ZFAND3: variants seen among roughly 807,000 people sequenced by gnomAD.
ZFAND3 encodes the protein AN1-type zinc finger protein 3.
Under a neutral mutation model 29.6 loss-of-function variants are expected in ZFAND3, and 10 were observed. That is an observed-to-expected ratio of 0.34 (90% CI 0.21 to 0.57). ZFAND3 has a LOEUF of 0.57. ZFAND3 is among the 20% of genes least tolerant of loss of function. ZFAND3 has a pLI of 0.86. For missense variants in ZFAND3, 230 were observed against 304.5 expected (o/e 0.76, Z 1.82); for synonymous variants, 128 against 112.6 (o/e 1.14, Z -0.87).
At chr6:38,007,359 GGACCAGTAAAA>G (rs1376767582) in intron 2 of ZFAND3, among the ~76,000 whole-genome samples, 1 of 151,952 alleles carries the variant, frequency 6.6e-6, no homozygotes, top group African/African-American at 2.4e-5. Context: ...CAGGAGTTCA[GGACCAGTAAAA>G]CTCCATCTCT....
At chr6:37,992,606 A>C (rs1203727675) in intron 2 of ZFAND3, among the ~76,000 whole-genome samples, 7 of 152,140 alleles carry the variant, frequency 4.6e-5, no homozygotes, top group African/African-American at 1.7e-4. Flanking sequence ...AAGAATAAGG[A>C]TATTATTTTA....
At chr6:37,929,042 A>G (rs1396891074) in intron 1 of ZFAND3, among the ~76,000 whole-genome samples, 2 of 152,192 alleles carry the variant, frequency 1.3e-5, no homozygotes, top group Admixed American at 6.5e-5. Flanking sequence ...TCTAAGTTGA[A>G]TAATGCCTTG....
At chr6:38,136,225 T>C (rs1765839948) in intron 5 of ZFAND3, among the ~76,000 whole-genome samples, 1 of 152,242 alleles carries the variant, frequency 6.6e-6, no homozygotes, top group Admixed American at 6.5e-5. Context: ...CAGAGCCACC[T>C]GTACTGTCTA....
chr6:37,992,342 TAAATG>T (rs1246573694), intron 2 of ZFAND3, among the ~76,000 whole-genome samples: 1 of 152,206 alleles, frequency 6.6e-6, no homozygotes, highest in Non-Finnish European at 1.5e-5. Flanking sequence ...ATAGTGCAAA[TAAATG>T]AAAAGAGTGG....
At chr6:37,969,359 CG>C (rs1762346000) in intron 2 of ZFAND3, among the ~76,000 whole-genome samples, 1 of 152,032 alleles carries the variant, frequency 6.6e-6, no homozygotes, top group Admixed American at 6.5e-5. Flanking sequence ...TTGAAAATGC[CG>C]TAAGTCAAAA....
At chr6:37,916,187 T>C in intron 1 of ZFAND3, among the ~76,000 whole-genome samples, 1 of 152,142 alleles carries the variant, frequency 6.6e-6, no homozygotes, top group East Asian at 1.9e-4. Flanking sequence ...AGATCACCAT[T>C]GTAGATATAA....
In ZFAND3 at chr6:37,859,556, ATATCT is replaced by A. The variant is rs1764443016; in HGVS notation, c.71+39544_71+39548del. Among the ~76,000 whole-genome samples, 13 of 152,258 alleles carry A rather than the reference ATATCT, an allele frequency of 8.5e-5. No homozygotes were observed. In the South Asian group the frequency reaches 2.5e-3, roughly 29 times the overall value. On this transcript the variant is annotated intron_variant, in intron 1 of 5. Transcript: ENST00000287218. ...TTTTCTGATCTTATGGTCTATTTTCATATCTTATGGTCATGAGCTAAAAATTAATG... is the reference window on the plus strand; with the variant it reads ...TTTTCTGATCTTATGGTCTATTTTCATATGGTCATGAGCTAAAAATTAATG...
intron 2 of ZFAND3, among the ~76,000 whole-genome samples, chr6:37,957,679 G>A (rs1402691659): frequency 6.6e-6 from 1 of 152,078 alleles, no homozygotes; most frequent in African/African-American, 2.4e-5. Context: ...AAATAGAGTT[G>A]CCAGCTACTT....
chr6:38,005,889 AT>A (rs1220621603), intron 2 of ZFAND3, among the ~76,000 whole-genome samples: 2 of 152,232 alleles, frequency 1.3e-5, no homozygotes, highest in Non-Finnish European at 2.9e-5. Flanking sequence ...ATATATGGAC[AT>A]TTGGCAGATT....
chr6:38,153,055 G>A lies in ZFAND3; in HGVS notation c.*666G>A. ...AACAGTAACCTCACTTTGAAAATTA[G>A]CTCCACTCAAGACTAGTCCACGAAC... On this transcript the variant is annotated 3_prime_UTR_variant, in exon 6 of 6. Coordinates refer to ENST00000287218, the MANE Select transcript of ZFAND3 (RefSeq NM_021943.3). 6.1e-6 allele frequency: 6 copies of A among 985,658 alleles called. No homozygotes were observed. Among genetic ancestry groups the A allele is most frequent in the Non-Finnish European group, 7.2e-6 (6 of 829,940 alleles). The allele number at this position is 985,658 out of a possible 1,614,324, so 61.1% of individuals were successfully genotyped here.
At chr6:38,003,433 T>C (rs552747905) in intron 2 of ZFAND3, 1 of 163,134 alleles carries the variant, frequency 6.1e-6, no homozygotes, top group Admixed American at 6.1e-5. Flanking sequence ...TTGTACATTG[T>C]ATTTTATTAT....
chr6:38,064,035 T>G (rs1464431976), intron 3 of ZFAND3, among the ~76,000 whole-genome samples: 1 of 152,164 alleles, frequency 6.6e-6, no homozygotes, highest in Non-Finnish European at 1.5e-5. Flanking sequence ...TTCAAGATCA[T>G]GTACTTACTG....
At chr6:38,051,476 C>T (rs768460580) in intron 2 of ZFAND3, among the ~76,000 whole-genome samples, 1 of 152,208 alleles carries the variant, frequency 6.6e-6, no homozygotes, top group Non-Finnish European at 1.5e-5. Flanking sequence ...CAGTTACGTT[C>T]ATGCCACTTC....
intron 1 of ZFAND3, among the ~76,000 whole-genome samples, chr6:37,876,406 T>C (rs986045503): frequency 5.3e-5 from 8 of 152,176 alleles, no homozygotes; most frequent in Non-Finnish European, 1.2e-4. Context: ...AGTGAAGTCA[T>C]CTCAGTCAGC....
intron 1 of ZFAND3, among the ~76,000 whole-genome samples, chr6:37,873,110 C>T (rs114870293): frequency 7.4e-6 from 1 of 135,872 alleles, no homozygotes; most frequent in Non-Finnish European, 1.7e-5. Context: ...ACAAAAAAAA[C>T]CCCCCAAAAA....
At chr6:38,090,244 G>T (rs551398338) in intron 4 of ZFAND3, among the ~76,000 whole-genome samples, 2 of 152,292 alleles carry the variant, frequency 1.3e-5, no homozygotes, top group East Asian at 3.9e-4. Context: ...CCTCAGGTCT[G>T]CAGTATCAGC....
chr6:37,898,690 TGATATCTTTTGA>T (rs1444168227), intron 1 of ZFAND3, among the ~76,000 whole-genome samples: 1 of 152,240 alleles, frequency 6.6e-6, no homozygotes, highest in Non-Finnish European at 1.5e-5. Flanking sequence ...TCTTGGTATT[TGATATCTTTTGA>T]TATAAGTACT....
At chr6:37,955,149 T>TTGTGTGTGTGTGTGTGTG (rs3047089) in intron 2 of ZFAND3, among the ~76,000 whole-genome samples, 2 of 148,846 alleles carry the variant, frequency 1.3e-5, no homozygotes, top group South Asian at 4.3e-4. Flanking sequence ...CAACCAATTT[T>TTGTGTGTGTGTGTGTGTG]TGTGTGTGTG....
chr6:37,875,015 A>T (rs1196521135), intron 1 of ZFAND3, among the ~76,000 whole-genome samples: 2 of 152,200 alleles, frequency 1.3e-5, no homozygotes, highest in African/African-American at 4.8e-5. Flanking sequence ...GCCTGTGTAG[A>T]TGTATCTTTG....
Sources: gnomAD v4.1 joint callset for allele counts (sites outside exome capture counted in the v4.1 genomes callset) on GRCh38, gnomAD v4.1.1 for gene constraint, MANE v1.5 for transcripts, NCBI Gene and HGNC (gene_info 2026-07-23, HGNC 2026-07-21) for gene names.